ATP6V0A4: variants seen among roughly 807,000 people sequenced by gnomAD.
ATP6V0A4 encodes ATPase H+ transporting V0 subunit a4.
Under a neutral mutation model 107.3 loss-of-function variants are expected in ATP6V0A4, and 86 were observed. That is an observed-to-expected ratio of 0.80 (90% CI 0.67 to 0.96). The LOEUF (loss-of-function observed/expected upper bound fraction) is 0.96. ATP6V0A4 is among the 40% of genes least tolerant of loss of function. ATP6V0A4 has a pLI of 0.00. For missense variants in ATP6V0A4, 908 were observed against 1,045.6 expected, an observed-to-expected ratio of 0.87 and a Z score of 1.81; for synonymous variants, 353 against 381.4, an observed-to-expected ratio of 0.93 and a Z score of 0.87.
intron 6 of ATP6V0A4, 139 bp downstream of exon 6, chr7:138,762,761 C>T: frequency 9.4e-7 from 1 of 1,061,398 alleles, no homozygotes; most frequent in Non-Finnish European, 1.5e-6. Flanking sequence ...ACCCAAAATA[C>T]TCCCCCGCCC....
At chr7:138,762,779 T>C (rs2117316367) in intron 6 of ATP6V0A4, 121 bp downstream of exon 6, 1 of 1,216,528 alleles carries the variant, frequency 8.2e-7, no homozygotes, top group Non-Finnish European at 1.2e-6. Context: ...CCCTCACCAA[T>C]GGCCTAGCCA....
At chr7:138,708,993 G>A (rs904425160) in intron 21 of ATP6V0A4, among the ~76,000 whole-genome samples, 1 of 152,136 alleles carries the variant, frequency 6.6e-6, no homozygotes, top group African/African-American at 2.4e-5. Context: ...TGAATCACTT[G>A]AGGCCAAGAG....
chr7:138,792,651 G>T (rs1431667335), intron 1 of ATP6V0A4, among the ~76,000 whole-genome samples: 1 of 152,074 alleles, frequency 6.6e-6, no homozygotes, highest in African/African-American at 2.4e-5. Flanking sequence ...AGTCTGGAGT[G>T]TAGTGACTCC....
chr7:138,755,639 C>T (rs747375577), intron 10 of ATP6V0A4, 50 bp downstream of exon 10: 3 of 1,609,608 alleles, frequency 1.9e-6, no homozygotes, highest in Admixed American at 3.3e-5. Flanking sequence ...ACAGCAGAGG[C>T]AGCCCTCCTG....
intron 2 of ATP6V0A4, among the ~76,000 whole-genome samples, chr7:138,785,276 T>A (rs1456116531): frequency 7.6e-6 from 1 of 131,220 alleles, no homozygotes; most frequent in East Asian, 2.3e-4. Flanking sequence ...ACTTTCTTTT[T>A]TCTTTTTTTT....
intron 5 of ATP6V0A4, among the ~76,000 whole-genome samples, chr7:138,766,854 C>T (rs1272102481): frequency 6.6e-6 from 1 of 152,202 alleles, no homozygotes; most frequent in Non-Finnish European, 1.5e-5. Flanking sequence ...AGGCTCTATG[C>T]TGGTCAAGTT....
chr7:138,792,903 T>C (rs1026837416), intron 1 of ATP6V0A4, among the ~76,000 whole-genome samples: 7 of 151,678 alleles, frequency 4.6e-5, no homozygotes, highest in Non-Finnish European at 8.8e-5. Context: ...AGTAATATGA[T>C]GGGAAAATGA....
intron 3 of ATP6V0A4, among the ~76,000 whole-genome samples, chr7:138,770,319 T>C (rs1807318792): frequency 6.6e-6 from 1 of 152,124 alleles, no homozygotes; most frequent in South Asian, 2.1e-4. Context: ...TAAGTTTACC[T>C]TATTTCTCTG....
intron 8 of ATP6V0A4, among the ~76,000 whole-genome samples, chr7:138,758,390 T>C (rs1339047122): frequency 1.3e-5 from 2 of 152,338 alleles, no homozygotes; most frequent in Non-Finnish European, 2.9e-5. Context: ...TCATAATCTT[T>C]CTTATTTTAA....
At chr7:138,757,082 A>G (rs1000263907) in intron 8 of ATP6V0A4, among the ~76,000 whole-genome samples, 2 of 152,184 alleles carry the variant, frequency 1.3e-5, no homozygotes, top group Non-Finnish European at 2.9e-5. Flanking sequence ...TGTCAAGTCC[A>G]AGTTGGACAA....
chr7:138,729,243 C>T (rs983225854), intron 17 of ATP6V0A4, among the ~76,000 whole-genome samples: 1 of 152,000 alleles, frequency 6.6e-6, no homozygotes, highest in East Asian at 1.9e-4. Context: ...CTATGGCAGG[C>T]CTCATGACTT....
intron 2 of ATP6V0A4, among the ~76,000 whole-genome samples, chr7:138,776,353 T>G (rs1181817634): frequency 1.3e-5 from 2 of 152,152 alleles, no homozygotes; most frequent in African/African-American, 4.8e-5. Context: ...TTGCTTGCGT[T>G]TCTTGAGAGG....
At chr7:138,738,434 G>A (rs866773454) in intron 15 of ATP6V0A4, among the ~76,000 whole-genome samples, 4 of 152,302 alleles carry the variant, frequency 2.6e-5, no homozygotes, top group Admixed American at 6.5e-5. Context: ...AACAAAGGAA[G>A]ATCAACCAGA....
chr7:138,724,187 C>T (rs552617165), intron 18 of ATP6V0A4, among the ~76,000 whole-genome samples: 1,059 of 82,536 alleles, frequency 0.013, 18 homozygotes, highest in African/African-American at 0.06. Flanking sequence ...AAGACTCTGC[C>T]TCAAAAAAAA....
chr7:138,782,128 A>T (rs1807955432), intron 2 of ATP6V0A4, among the ~76,000 whole-genome samples: 1 of 152,214 alleles, frequency 6.6e-6, no homozygotes, highest in African/African-American at 2.4e-5. Context: ...GAAATGTATT[A>T]TCTCAGCCCT....
At chr7:138,743,089 T>C (rs897780842) in intron 14 of ATP6V0A4, among the ~76,000 whole-genome samples, 3 of 152,106 alleles carry the variant, frequency 2.0e-5, no homozygotes, top group Non-Finnish European at 2.9e-5. Context: ...ACACTAAATA[T>C]TTCTACAGTC....
At chr7:138,776,083 G>C (rs1250917875) in intron 2 of ATP6V0A4, among the ~76,000 whole-genome samples, 1 of 152,186 alleles carries the variant, frequency 6.6e-6, no homozygotes, top group Non-Finnish European at 1.5e-5. Context: ...AAAGTGCTGG[G>C]ATTACAGGTA....
intron 16 of ATP6V0A4, 104 bp downstream of exon 16, chr7:138,734,032 G>T: frequency 7.4e-7 from 1 of 1,357,728 alleles, no homozygotes; most frequent in Non-Finnish European, 1.0e-6. Flanking sequence ...CTCATAGGAA[G>T]AAAACTTGCA....
rs1806870007 is a variant in ATP6V0A4 at position 138,762,416 on chromosome 7, C to T, written c.436G>A (p.Asp146Asn). The T allele has an allele frequency of 6.2e-7, 1 of 1,614,144 alleles. No homozygotes were observed. Among genetic ancestry groups the T allele is most frequent in the African/African-American group, 1.3e-5 (1 of 75,050 alleles). The change falls in exon 7 of 22, where the codon GAT becomes AAT. Residue 146 changes from aspartate to asparagine, a missense_variant. By Grantham distance (23) the Asp-to-Asn change is conservative. Transcript: ENST00000310018. ...GAAGTGTCCTCAGTAAAGAAATCAT[C>T]AGCTAAATTGGTTTCCGTCTGAAAG... Reference protein sequence around the residue: ...DFFETETNLADDFFTEDTSGL... With the variant: ...DFFETETNLANDFFTEDTSGL...
Sources: gnomAD v4.1 joint callset for allele counts (sites outside exome capture counted in the v4.1 genomes callset) on GRCh38, gnomAD v4.1.1 for gene constraint, MANE v1.5 for transcripts, NCBI Gene and HGNC (gene_info 2026-07-23, HGNC 2026-07-21) for gene names.